PTPRR: variants seen among roughly 807,000 people sequenced by gnomAD.
The protein encoded by PTPRR is receptor-type tyrosine-protein phosphatase R.
Under a neutral mutation model 77.2 loss-of-function variants are expected in PTPRR, and 38 were observed. The ratio of observed to expected loss-of-function variants is 0.49; its 90% confidence interval spans 0.38 to 0.65. The LOEUF (loss-of-function observed/expected upper bound fraction) is 0.65. Ranked by LOEUF, PTPRR falls within the 30% of genes least tolerant of loss-of-function variation. The pLI is 0.00. For synonymous variants in PTPRR, 299 were observed against 283.1 expected, an observed-to-expected ratio of 1.06 and a Z score of -0.57; for missense variants, 744 against 799.2, an observed-to-expected ratio of 0.93 and a Z score of 0.83.
intron 2 of PTPRR, among the ~76,000 whole-genome samples, chr12:70,796,426 G>T (rs1230574161): frequency 6.6e-6 from 1 of 151,938 alleles, no homozygotes; most frequent in Non-Finnish European, 1.5e-5. Flanking sequence ...GTGCCAATTA[G>T]CACCTTTAAG....
intron 13 of PTPRR, among the ~76,000 whole-genome samples, chr12:70,643,367 G>T (rs893286900): frequency 6.6e-6 from 1 of 151,624 alleles, no homozygotes; most frequent in African/African-American, 2.4e-5. Context: ...GAGAGAGAGG[G>T]TTTTGCCATG....
At chr12:70,839,779 C>T (rs1184575311) in intron 2 of PTPRR, among the ~76,000 whole-genome samples, 7 of 152,118 alleles carry the variant, frequency 4.6e-5, no homozygotes, top group East Asian at 3.9e-4. Flanking sequence ...TATAGAGCTT[C>T]GCTTCTCTCC....
In PTPRR at chr12:70,892,826, G is replaced by T. The variant is rs149684669; in HGVS notation, c.210C>A (p.Ser70=). The T allele has an allele frequency of 1.2e-6, 2 of 1,613,348 alleles. No homozygotes were observed. Among genetic ancestry groups the T allele is most frequent in the East Asian group, 4.5e-5 (2 of 44,878 alleles). Residue 70 remains serine, a synonymous_variant, in exon 2 of 14, where the codon TCC becomes TCA. Transcript: ENST00000283228. ...GGTGGCGTTTGCTTACTTGAGCTTCGGAAGAGGAATGGTAGCTATGTCTGT... is the reference window on the plus strand; with the variant it reads ...GGTGGCGTTTGCTTACTTGAGCTTCTGAAGAGGAATGGTAGCTATGTCTGT... The part of the protein sequence containing the change: ...KIYRHSYHSS[S]EAQVSKRHQI...
chr12:70,668,670 T>C (rs1555247525), intron 10 of PTPRR, among the ~76,000 whole-genome samples: 1 of 152,196 alleles, frequency 6.6e-6, no homozygotes, highest in Non-Finnish European at 1.5e-5. Flanking sequence ...GTCCACTTTA[T>C]TTTAAAGTAA....
At chr12:70,857,348 C>T (rs1462980746) in intron 2 of PTPRR, among the ~76,000 whole-genome samples, 1 of 152,078 alleles carries the variant, frequency 6.6e-6, no homozygotes, top group African/African-American at 2.4e-5. Flanking sequence ...AAGAAGCGAA[C>T]ATTTAACTGT....
intron 2 of PTPRR, among the ~76,000 whole-genome samples, chr12:70,801,659 G>T (rs537905570): frequency 6.6e-6 from 1 of 151,974 alleles, no homozygotes; most frequent in Non-Finnish European, 1.5e-5. Context: ...CTATACTATT[G>T]GTTCTCCTGG....
intron 2 of PTPRR, among the ~76,000 whole-genome samples, chr12:70,841,859 A>G (rs1892403495): frequency 6.6e-6 from 1 of 152,184 alleles, no homozygotes; most frequent in African/African-American, 2.4e-5. Flanking sequence ...GAATATATGA[A>G]TGGGCACATG....
At chr12:70,677,008 G>A (rs1441117800) in intron 10 of PTPRR, among the ~76,000 whole-genome samples, 2 of 151,946 alleles carry the variant, frequency 1.3e-5, no homozygotes, top group Non-Finnish European at 2.9e-5. Flanking sequence ...GTTTAGCGTA[G>A]TATGGACATT....
At chr12:70,758,331 G>A (rs1890609080) in intron 4 of PTPRR, among the ~76,000 whole-genome samples, 1 of 152,078 alleles carries the variant, frequency 6.6e-6, no homozygotes, top group South Asian at 2.1e-4. Context: ...CACTGGACTG[G>A]GGTATATTGG....
At chr12:70,789,674 T>C (rs1448813245) in intron 2 of PTPRR, among the ~76,000 whole-genome samples, 1 of 152,142 alleles carries the variant, frequency 6.6e-6, no homozygotes, top group Non-Finnish European at 1.5e-5. Flanking sequence ...ATCTCTGTCT[T>C]TTAGAAGCTA....
At chr12:70,903,644 T>G (rs1893576548) in intron 1 of PTPRR, among the ~76,000 whole-genome samples, 1 of 151,720 alleles carries the variant, frequency 6.6e-6, no homozygotes, top group Admixed American at 6.6e-5. Flanking sequence ...GAAGAAAACA[T>G]AGAATAAAAT....
intron 1 of PTPRR, among the ~76,000 whole-genome samples, chr12:70,902,756 G>A (rs1248158852): frequency 6.6e-6 from 1 of 151,556 alleles, no homozygotes; most frequent in African/African-American, 2.4e-5. Flanking sequence ...GGGGGGCAAG[G>A]GATAAAAGTC....
chr12:70,740,899 C>CATATAT (rs57803027), intron 6 of PTPRR, among the ~76,000 whole-genome samples: 2 of 151,622 alleles, frequency 1.3e-5, no homozygotes, highest in African/African-American at 4.8e-5. Context: ...TTAGAACACA[C>CATATAT]ATATATATAT....
At chr12:70,761,163 A>G (rs1217317301) in intron 4 of PTPRR, among the ~76,000 whole-genome samples, 19 of 152,220 alleles carry the variant, frequency 1.2e-4, no homozygotes, top group Non-Finnish European at 2.9e-5. Flanking sequence ...TCAAGCGATC[A>G]ATTGACAAAA....
intron 2 of PTPRR, among the ~76,000 whole-genome samples, chr12:70,808,330 T>C (rs1891748113): frequency 6.6e-6 from 1 of 152,114 alleles, no homozygotes; most frequent in Non-Finnish European, 1.5e-5. Context: ...CTTGTGATCT[T>C]GCCCTGCTCA....
rs1030943196 is a variant in PTPRR at position 70,858,791 on chromosome 12, A to G, written c.357+33888T>C. On this transcript the variant is annotated intron_variant, in intron 2 of 13. Transcript: ENST00000283228. ...AGGCTACTCAATGTTGCTGGAGAGA[A>G]TATTTAAATTGGTGCCATTCTAAGT... 1.1e-4 allele frequency among the ~76,000 whole-genome samples: 16 copies of G among 152,162 alleles called. 1 individual carries two copies. In the Middle Eastern group the frequency reaches 0.01, roughly 97 times the overall value.
chr12:70,728,896 G>A (rs540416151), intron 6 of PTPRR, among the ~76,000 whole-genome samples: 1 of 152,152 alleles, frequency 6.6e-6, no homozygotes, highest in Middle Eastern at 3.4e-3. Context: ...GGTAAGAGCT[G>A]TTGGAATACT....
At chr12:70,856,907 G>A (rs913552182) in intron 2 of PTPRR, among the ~76,000 whole-genome samples, 21 of 151,884 alleles carry the variant, frequency 1.4e-4, no homozygotes, top group Non-Finnish European at 2.6e-4. Flanking sequence ...ATATGCTTTA[G>A]GCAATTGGGT....
In PTPRR at chr12:70,658,883, G is replaced by GTTTTTTTT. The variant is rs746595856; in HGVS notation, c.1766+2049_1766+2056dup. On this transcript the variant is annotated intron_variant, in intron 12 of 13. Transcript: ENST00000283228. Reference sequence around the variant, plus strand: ...TTCAACGTTAGGGACTTTTGCTCTAGTTTTTTTTTTTTTTTTTTTTTTTTT... The same window carrying GTTTTTTTT: ...TTCAACGTTAGGGACTTTTGCTCTAGTTTTTTTTTTTTTTTTTTTTTTTTTTTTTTTTT... Among the ~76,000 whole-genome samples, 29 of 36,936 alleles carry GTTTTTTTT rather than the reference G, an allele frequency of 7.9e-4. 3 individuals carry two copies. Among genetic ancestry groups the GTTTTTTTT allele is most frequent in the African/African-American group, 1.2e-3 (11 of 9,124 alleles). The allele number at this position is 36,936 out of a possible 152,430, so 24.2% of individuals were successfully genotyped here. A position where few individuals can be genotyped will look rare whatever the true frequency, so the allele number is the denominator to read the frequency against.
Sources: gnomAD v4.1 joint callset for allele counts (sites outside exome capture counted in the v4.1 genomes callset) on GRCh38, gnomAD v4.1.1 for gene constraint, MANE v1.5 for transcripts, NCBI Gene and HGNC (gene_info 2026-07-23, HGNC 2026-07-21) for gene names.